SPOCK3: variants seen among roughly 807,000 people sequenced by gnomAD.
The protein encoded by SPOCK3 is testican-3.
A neutral mutation model predicts 56.6 loss-of-function variants in SPOCK3; 30 were observed. The ratio of observed to expected loss-of-function variants is 0.53; its 90% CI spans 0.40 to 0.72. SPOCK3 has a LOEUF of 0.72. Ranked by LOEUF, SPOCK3 falls within the 30% of genes least tolerant of loss-of-function variation. The probability of loss-of-function intolerance (pLI) is 0.00; values close to 1 mark genes in which losing one functional copy is unlikely to be tolerated. For missense variants in SPOCK3, 527 were observed against 530.0 expected, an observed-to-expected ratio of 0.99 and a Z score of 0.06; for synonymous variants, 196 against 183.3, an observed-to-expected ratio of 1.07 and a Z score of -0.56.
rs1320465690 is a variant in SPOCK3, at chr4:166,885,697, G to GA, written c.589+3432dup. On this transcript the variant is annotated intron_variant, in intron 6 of 10. Transcript: ENST00000357545. ...CAATTCAAACTACAAGGTGCATAAA[G>GA]AGTATGTGTTTAAATGCATGTTGGG... Among the ~76,000 whole-genome samples the GA allele has an allele frequency of 8.5e-5, 13 of 152,172 alleles. No individual in the cohort carries two copies. In the South Asian group the frequency reaches 2.7e-3, roughly 32 times the overall value.
intron 5 of SPOCK3, among the ~76,000 whole-genome samples, chr4:166,900,983 TG>T (rs1735988533): frequency 6.6e-6 from 1 of 152,150 alleles, no homozygotes. Context: ...GAAATGTCCT[TG>T]TATGTCTCTC....
At chr4:166,741,676 T>G (rs1046252442) in intron 9 of SPOCK3, among the ~76,000 whole-genome samples, 1 of 152,188 alleles carries the variant, frequency 6.6e-6, no homozygotes, top group Non-Finnish European at 1.5e-5. Context: ...TATATATATT[T>G]GCCATCAATT....
intron 6 of SPOCK3, among the ~76,000 whole-genome samples, chr4:166,870,358 T>G (rs180891271): frequency 6.0e-4 from 91 of 152,098 alleles, no homozygotes; most frequent in African/African-American, 2.0e-3. Flanking sequence ...GTGCCACCAA[T>G]CTTGTCAGTC....
intron 3 of SPOCK3, among the ~76,000 whole-genome samples, chr4:167,004,942 G>C (rs1372676996): frequency 2.0e-5 from 3 of 152,100 alleles, no homozygotes; most frequent in African/African-American, 7.2e-5. Flanking sequence ...TGTATTCCAA[G>C]GAGAGGTTAG....
intron 3 of SPOCK3, among the ~76,000 whole-genome samples, chr4:167,031,610 G>A (rs1752280930): frequency 6.6e-6 from 1 of 151,928 alleles, no homozygotes; most frequent in African/African-American, 2.4e-5. Context: ...CGCCTACAGT[G>A]GATTAAAACA....
intron 8 of SPOCK3, 148 bp downstream of exon 8, chr4:166,754,360 C>T (rs1736789269): frequency 7.2e-7 from 1 of 1,387,848 alleles, no homozygotes. Flanking sequence ...GTTCAACATG[C>T]TTCTTATTTG....
At chr4:167,177,500 A>G (rs1354941788) in intron 2 of SPOCK3, among the ~76,000 whole-genome samples, 3 of 152,090 alleles carry the variant, frequency 2.0e-5, no homozygotes, top group Non-Finnish European at 4.4e-5. Context: ...ATCATGGGGC[A>G]CCTCAGAGAG....
At chr4:167,023,362 A>T (rs1751386906) in intron 3 of SPOCK3, among the ~76,000 whole-genome samples, 1 of 152,006 alleles carries the variant, frequency 6.6e-6, no homozygotes, top group Non-Finnish European at 1.5e-5. Context: ...TCAAATGTCT[A>T]ATAGTACTGG....
At chr4:166,865,617 G>C (rs1731744512) in intron 6 of SPOCK3, among the ~76,000 whole-genome samples, 1 of 152,104 alleles carries the variant, frequency 6.6e-6, no homozygotes, top group Non-Finnish European at 1.5e-5. Flanking sequence ...AAAATCACAA[G>C]CATTCCTATA....
intron 5 of SPOCK3, among the ~76,000 whole-genome samples, chr4:166,903,131 A>AATTATAATATATATT (rs1310166896): frequency 6.8e-6 from 1 of 147,262 alleles, no homozygotes; most frequent in Non-Finnish European, 1.5e-5. Context: ...TTATAATATA[A>AATTATAATATATATT]ATTATAAATA....
At chr4:167,132,815 ATGTGTCTCATC>A (rs954337086) in intron 2 of SPOCK3, among the ~76,000 whole-genome samples, 1 of 152,084 alleles carries the variant, frequency 6.6e-6, no homozygotes, top group Non-Finnish European at 1.5e-5. Context: ...CTTCTTCTGC[ATGTGTCTCATC>A]TGTGTGTCTC....
chr4:166,825,299 G>T (rs779420116), intron 6 of SPOCK3, among the ~76,000 whole-genome samples: 1 of 151,866 alleles, frequency 6.6e-6, no homozygotes, highest in Non-Finnish European at 1.5e-5. Flanking sequence ...TTATTGTTAC[G>T]TTAATTTACT....
At chr4:167,077,099 C>G (rs1181302082) in intron 2 of SPOCK3, among the ~76,000 whole-genome samples, 1 of 151,712 alleles carries the variant, frequency 6.6e-6, no homozygotes, top group African/African-American at 2.4e-5. Context: ...ATGAAAGGCA[C>G]CAGAAGATTT....
intron 6 of SPOCK3, among the ~76,000 whole-genome samples, chr4:166,847,659 A>ATATATATATATATATATATATATC (rs1748221849): frequency 1.1e-5 from 1 of 94,780 alleles, no homozygotes; most frequent in South Asian, 3.5e-4. Context: ...ATATATATAT[A>ATATATATATATATATATATATATC]TATATATATA....
intron 2 of SPOCK3, among the ~76,000 whole-genome samples, chr4:167,139,996 A>G (rs1239492767): frequency 1.3e-5 from 2 of 151,838 alleles, no homozygotes; most frequent in African/African-American, 2.4e-5. Context: ...CCTGAATATG[A>G]TACCTGAACG....
chr4:166,982,924 T>C (rs1334037387), intron 4 of SPOCK3, among the ~76,000 whole-genome samples: 2 of 152,182 alleles, frequency 1.3e-5, no homozygotes, highest in Admixed American at 1.3e-4. Context: ...ATATTTGTGA[T>C]TTATCAACCC....
chr4:166,753,701 C>G (rs1245754525), intron 8 of SPOCK3, among the ~76,000 whole-genome samples: 1 of 152,016 alleles, frequency 6.6e-6, no homozygotes, highest in African/African-American at 2.4e-5. Context: ...GCATTGACAA[C>G]AGCAGGCTTT....
chr4:166,930,510 G>T (rs1054669302), intron 4 of SPOCK3, among the ~76,000 whole-genome samples: 1 of 151,716 alleles, frequency 6.6e-6, no homozygotes, highest in East Asian at 1.9e-4. Context: ...GACAATGATA[G>T]TCACAGTTCA....
Position 166,951,651 on chromosome 4 carries a change from A to G in SPOCK3, c.351-38908T>C, listed in dbSNP as rs1413962140. ...CCAAAAAAGAGAATTTTAGACCAAT[A>G]TCCTTGATGAACATTGATGCAAAAA... On this transcript the variant is annotated intron_variant, in intron 4 of 10. Coordinates refer to ENST00000357545, the MANE Select transcript of SPOCK3 (RefSeq NM_001040159.2). Among the ~76,000 whole-genome samples, 4 of 137,162 alleles carry G rather than the reference A, an allele frequency of 2.9e-5. 1 individual carries two copies. The highest frequency in any genetic ancestry group is 1.2e-4 in the African/African-American group (4 of 32,636). 90.0% of individuals were successfully genotyped at this position (137,162 alleles called of 152,430 possible). A position where few individuals can be genotyped will look rare whatever the true frequency, so the allele number is the denominator to read the frequency against.
Sources: gnomAD v4.1 joint callset for allele counts (sites outside exome capture counted in the v4.1 genomes callset) on GRCh38, gnomAD v4.1.1 for gene constraint, MANE v1.5 for transcripts, NCBI Gene and HGNC (gene_info 2026-07-23, HGNC 2026-07-21) for gene names.